The following PALM2AKAP2 variants were observed in gnomAD, a reference collection of about 807,000 sequenced individuals.
PALM2AKAP2 encodes the protein PALM2-AKAP2 fusion protein.
In PALM2AKAP2, 37 loss-of-function variants were observed where a neutral mutation model predicts 71.5. The observed-to-expected ratio is 0.52, with a 90% CI of 0.40 to 0.68. The LOEUF (loss-of-function observed/expected upper bound fraction) is 0.68, where lower values mean the gene tolerates loss of function less well. Among genes scored for constraint, PALM2AKAP2 ranks in the 30% least tolerant of loss-of-function variants. The pLI, the probability that PALM2AKAP2 is intolerant of heterozygous loss-of-function variation, is 0.00. For missense variants in PALM2AKAP2, 1,224 were observed against 1,191.8 expected (o/e 1.03, Z -0.40); for synonymous variants, 468 against 478.8 (o/e 0.98, Z 0.29).
At chr9:109,944,790 C>T (rs1831463857) in intron 6 of PALM2AKAP2, 1 of 151,838 alleles carries the variant, frequency 6.6e-6, no homozygotes, top group Non-Finnish European at 1.5e-5. Flanking sequence ...AGCAAAAAGC[C>T]ACATATGTAG....
At chr9:110,104,321 A>C (rs944457959) in intron 1 of PALM2AKAP2, among the ~76,000 whole-genome samples, 1 of 152,192 alleles carries the variant, frequency 6.6e-6, no homozygotes, top group African/African-American at 2.4e-5. Context: ...AGATGAGGTC[A>C]TGCTTAAGAT....
chr9:109,773,101 G>A (rs1187497817), intron 1 of PALM2AKAP2, among the ~76,000 whole-genome samples: 1 of 151,870 alleles, frequency 6.6e-6, no homozygotes, highest in East Asian at 1.9e-4. Context: ...CTGGGTGACA[G>A]AGCAAGACTC....
chr9:109,719,689 G>A (rs138564752), intron 1 of PALM2AKAP2, among the ~76,000 whole-genome samples: 2,902 of 152,240 alleles, frequency 0.019, 46 homozygotes, highest in Non-Finnish European at 0.024. Flanking sequence ...TTATGATGTG[G>A]CATACATAGA....
At chr9:109,928,238 G>C in intron 5 of PALM2AKAP2, among the ~76,000 whole-genome samples, 1 of 152,120 alleles carries the variant, frequency 6.6e-6, no homozygotes, top group South Asian at 2.1e-4. Context: ...GAATAGCTGG[G>C]ATTACAGGTA....
At chr9:110,141,360 G>A (rs977405156) in intron 2 of PALM2AKAP2, among the ~76,000 whole-genome samples, 3 of 152,110 alleles carry the variant, frequency 2.0e-5, no homozygotes, top group African/African-American at 7.2e-5. Context: ...TCTTGATGTC[G>A]TATTGAGTAC....
At chr9:109,655,242 G>A (rs577611745) in intron 1 of PALM2AKAP2, among the ~76,000 whole-genome samples, 6 of 150,886 alleles carry the variant, frequency 4.0e-5, no homozygotes, top group African/African-American at 1.5e-4. Flanking sequence ...CTTGCACCGC[G>A]TGAGCCGAGA....
chr9:109,870,314 T>C (rs1336420598), intron 2 of PALM2AKAP2, among the ~76,000 whole-genome samples: 2 of 152,244 alleles, frequency 1.3e-5, no homozygotes, highest in Non-Finnish European at 2.9e-5. Context: ...AACTGGTGAC[T>C]GAACTTGAAT....
intron 1 of PALM2AKAP2, among the ~76,000 whole-genome samples, chr9:110,098,923 C>T (rs1834926217): frequency 6.6e-6 from 1 of 152,218 alleles, no homozygotes. Context: ...TCCACCCCAT[C>T]CTTCCTCTTT....
At chr9:110,155,642 C>T (rs1443407760) in intron 2 of PALM2AKAP2, among the ~76,000 whole-genome samples, 4 of 152,178 alleles carry the variant, frequency 2.6e-5, no homozygotes, top group Non-Finnish European at 4.4e-5. Flanking sequence ...GTGTACACTT[C>T]TTAAGGTCTG....
chr9:110,033,386 T>C (rs1172861352), intron 7 of PALM2AKAP2, among the ~76,000 whole-genome samples: 2 of 152,262 alleles, frequency 1.3e-5, no homozygotes, highest in Non-Finnish European at 2.9e-5. Context: ...GACTTCTTCC[T>C]ACTTTCTTTT....
At chr9:109,938,248 A>G (rs1049297903) in intron 6 of PALM2AKAP2, among the ~76,000 whole-genome samples, 4 of 152,130 alleles carry the variant, frequency 2.6e-5, no homozygotes, top group Non-Finnish European at 5.9e-5. Context: ...AAACATTCAC[A>G]CCTCTTGCAT....
rs146002616 is a variant in PALM2AKAP2 at position 109,846,482 on chromosome 9, T to A, written c.46-21009T>A. On this transcript the variant is annotated intron_variant, in intron 1 of 9. Coordinates refer to the PALM2AKAP2 transcript ENST00000302798. Reference sequence around the variant, plus strand: ...CCTCACCAAGCTGTGTGATTTAGGATTCAGGTGTTAGAACGGAGAAGGCAC... The same window carrying A: ...CCTCACCAAGCTGTGTGATTTAGGAATCAGGTGTTAGAACGGAGAAGGCAC... Among the ~76,000 whole-genome samples, 1,415 of 152,286 alleles carry A rather than the reference T, an allele frequency of 9.3e-3. 19 individuals are homozygous for A. Among genetic ancestry groups the A allele is most frequent in the African/African-American group, 0.033 (1,352 of 41,548 alleles).
At chr9:109,903,628 A>ACACAATACCAAATCAGCAGAAT (rs1830378511) in intron 3 of PALM2AKAP2, among the ~76,000 whole-genome samples, 1 of 152,156 alleles carries the variant, frequency 6.6e-6, no homozygotes, top group East Asian at 1.9e-4. Flanking sequence ...CCTCCTAAGT[A>ACACAATACCAAATCAGCAGAAT]CACAATACCA....
chr9:109,900,989 A>G (rs1830320613), intron 3 of PALM2AKAP2, among the ~76,000 whole-genome samples: 1 of 152,252 alleles, frequency 6.6e-6, no homozygotes, highest in Non-Finnish European at 1.5e-5. Flanking sequence ...TCAAGCTCAT[A>G]GGAAATGAAC....
intron 2 of PALM2AKAP2, 133 bp downstream of exon 2, chr9:109,867,704 C>T (rs931964041): frequency 2.2e-5 from 22 of 1,022,706 alleles, no homozygotes; most frequent in Non-Finnish European, 2.9e-5. Flanking sequence ...AATCAGGAAA[C>T]CATCTCTTGG....
chr9:109,659,364 G>A (rs1467699970), intron 1 of PALM2AKAP2, among the ~76,000 whole-genome samples: 1 of 152,090 alleles, frequency 6.6e-6, no homozygotes. Flanking sequence ...ATCAATTTTA[G>A]AACACTTTTT....
At chr9:109,694,294 C>T (rs1170119674) in intron 1 of PALM2AKAP2, among the ~76,000 whole-genome samples, 1 of 151,866 alleles carries the variant, frequency 6.6e-6, no homozygotes, top group Non-Finnish European at 1.5e-5. Flanking sequence ...ACATATTTAC[C>T]TAAAAAATCA....
chr9:110,018,106 A>G (rs913657491), intron 7 of PALM2AKAP2, among the ~76,000 whole-genome samples: 13 of 152,178 alleles, frequency 8.5e-5, no homozygotes, highest in African/African-American at 2.7e-4. Context: ...CTACTCATCC[A>G]TGGTACCAGG....
chr9:109,821,436 C>T (rs1465457384), intron 1 of PALM2AKAP2, among the ~76,000 whole-genome samples: 1 of 152,194 alleles, frequency 6.6e-6, no homozygotes, highest in Admixed American at 6.5e-5. Context: ...CCACCCTCCA[C>T]TATAGAGCCT....
Sources: gnomAD v4.1 joint callset for allele counts (sites outside exome capture counted in the v4.1 genomes callset) on GRCh38, gnomAD v4.1.1 for gene constraint, MANE v1.5 for transcripts, NCBI Gene and HGNC (gene_info 2026-07-23, HGNC 2026-07-21) for gene names.